MYO1D: variants seen among roughly 807,000 people sequenced by gnomAD.
The protein encoded by MYO1D is myosin ID.
In MYO1D, 83 loss-of-function variants were observed where a neutral mutation model predicts 122.0. That is an observed-to-expected ratio of 0.68 (90% CI 0.57 to 0.82). MYO1D has a LOEUF of 0.82. Ranked by LOEUF, MYO1D falls within the 40% of genes least tolerant of loss-of-function variation. MYO1D has a pLI of 0.00. For synonymous variants in MYO1D, 464 were observed against 446.9 expected, an observed-to-expected ratio of 1.04 and a Z score of -0.48; for missense variants, 1,157 against 1,269.5, an observed-to-expected ratio of 0.91 and a Z score of 1.35.
intron 16 of MYO1D, among the ~76,000 whole-genome samples, chr17:32,699,167 G>T (rs2089213841): frequency 2.6e-5 from 4 of 151,966 alleles, no homozygotes; most frequent in Admixed American, 6.6e-5. Context: ...GTTTCACCAT[G>T]TTGGCCAGGC....
intron 11 of MYO1D, among the ~76,000 whole-genome samples, chr17:32,751,254 C>T (rs17183295): frequency 0.14 from 21,914 of 152,140 alleles, 2,025 homozygotes; most frequent in Middle Eastern, 0.28. Context: ...TCTAATTTAA[C>T]ATGCCAATAA....
At chr17:32,616,581 A>C (rs1252639012) in intron 20 of MYO1D, among the ~76,000 whole-genome samples, 1 of 150,134 alleles carries the variant, frequency 6.7e-6, no homozygotes. Flanking sequence ...TGGCGTCCTT[A>C]AAGTGTTGGG....
At chr17:32,689,805 G>GCCTC (rs2089070523) in intron 16 of MYO1D, among the ~76,000 whole-genome samples, 1 of 151,640 alleles carries the variant, frequency 6.6e-6, no homozygotes, top group Admixed American at 6.6e-5. Flanking sequence ...TGCAACCTCT[G>GCCTC]CCTCCTGGGT....
intron 21 of MYO1D, among the ~76,000 whole-genome samples, 197 bp from the exon 22 acceptor site, chr17:32,495,112 C>G (rs1003733478): frequency 6.6e-6 from 1 of 152,224 alleles, no homozygotes; most frequent in Non-Finnish European, 1.5e-5. Flanking sequence ...ACAGCCTCGG[C>G]ACCATGGCAG....
At chr17:32,801,483 T>A (rs957551786) in intron 1 of MYO1D, among the ~76,000 whole-genome samples, 4 of 152,132 alleles carry the variant, frequency 2.6e-5, no homozygotes, top group Non-Finnish European at 5.9e-5. Flanking sequence ...GTGGCCTGCA[T>A]GGCAGGGGGA....
chr17:32,515,616 G>A (rs975018821), intron 21 of MYO1D, among the ~76,000 whole-genome samples: 2 of 152,150 alleles, frequency 1.3e-5, no homozygotes, highest in African/African-American at 4.8e-5. Context: ...TAAGGACAAA[G>A]GATAATGCTT....
intron 19 of MYO1D, among the ~76,000 whole-genome samples, chr17:32,642,293 T>G (rs1436558801): frequency 6.6e-6 from 1 of 152,238 alleles, no homozygotes; most frequent in Non-Finnish European, 1.5e-5. Flanking sequence ...GGTCTATATC[T>G]CTGTTTTGGT....
At chr17:32,675,522 CAG>C (rs2088795045) in intron 16 of MYO1D, among the ~76,000 whole-genome samples, 1 of 152,046 alleles carries the variant, frequency 6.6e-6, no homozygotes, top group Non-Finnish European at 1.5e-5. Flanking sequence ...ACAATCAAGT[CAG>C]AACACATTTT....
intron 16 of MYO1D, among the ~76,000 whole-genome samples, chr17:32,693,676 G>C (rs909551162): frequency 2.0e-5 from 3 of 152,194 alleles, no homozygotes; most frequent in Admixed American, 6.5e-5. Flanking sequence ...CAACGGATTT[G>C]CTGCTCTTTC....
chr17:32,494,780 G>T lies in MYO1D; in HGVS notation c.3000C>A (p.Ile1000=), dbSNP rs1331949465. 2 of 1,609,488 alleles carry T rather than the reference G, an allele frequency of 1.2e-6. No homozygotes were observed. Among genetic ancestry groups the T allele is most frequent in the Non-Finnish European group, 1.7e-6 (2 of 1,178,120 alleles). Residue 1000 remains isoleucine, a synonymous_variant, in exon 22 of 22, where the codon ATC becomes ATA. Transcript: ENST00000318217. ...GGCGTCAGTTCCCGGGCACGCTGAG[G>T]ATGAAGCCCGAGCGATTCTTGGTGA... ...PDFTKNRSGF[I]LSVPGN
chr17:32,629,173 C>A (rs183702090), intron 20 of MYO1D, among the ~76,000 whole-genome samples: 1 of 152,156 alleles, frequency 6.6e-6, no homozygotes, highest in East Asian at 1.9e-4. Context: ...AGAAAAGGCA[C>A]AACTGTAGAG....
At position 32,639,558 on chromosome 17, in the gene MYO1D, G is replaced by A. The variant is rs150903213; in HGVS notation, c.2596-723C>T. Among the ~76,000 whole-genome samples, 203 of 152,086 alleles carry A rather than the reference G, an allele frequency of 1.3e-3. 1 individual carries two copies. Among genetic ancestry groups the A allele is most frequent in the African/African-American group, 4.7e-3 (193 of 41,488 alleles). ...AAACACATATGTATTTTAAAAAGATGAGGGTCTCACTCTGTCACCCAAGAT... is the reference window on the plus strand; with the variant it reads ...AAACACATATGTATTTTAAAAAGATAAGGGTCTCACTCTGTCACCCAAGAT... On this transcript the variant is annotated intron_variant, in intron 19 of 21. Coordinates refer to ENST00000318217, the MANE Select transcript of MYO1D (RefSeq NM_015194.3).
intron 12 of MYO1D, among the ~76,000 whole-genome samples, chr17:32,746,961 C>CG (rs2049265796): frequency 6.6e-6 from 1 of 152,124 alleles, no homozygotes; most frequent in African/African-American, 2.4e-5. Flanking sequence ...TCTGCATTTG[C>CG]GTCATTCTGA....
chr17:32,513,508 A>G (rs528007440), intron 21 of MYO1D, among the ~76,000 whole-genome samples: 10 of 152,340 alleles, frequency 6.6e-5, no homozygotes, highest in African/African-American at 2.4e-4. Context: ...GGGTTTCACT[A>G]TATACCATGT....
chr17:32,859,156 C>T (rs956490419), intron 1 of MYO1D, among the ~76,000 whole-genome samples: 4 of 152,166 alleles, frequency 2.6e-5, no homozygotes, highest in South Asian at 2.1e-4. Context: ...TAGGTGCATA[C>T]GCATTCACAT....
intron 20 of MYO1D, among the ~76,000 whole-genome samples, chr17:32,623,632 G>A (rs1456573070): frequency 3.3e-5 from 5 of 152,072 alleles, no homozygotes; most frequent in African/African-American, 9.7e-5. Flanking sequence ...ATACAGATAC[G>A]CGATCATGAG....
At chr17:32,531,741 A>C (rs1159721861) in intron 21 of MYO1D, among the ~76,000 whole-genome samples, 2 of 152,242 alleles carry the variant, frequency 1.3e-5, no homozygotes, top group African/African-American at 4.8e-5. Flanking sequence ...GCATTCAGTG[A>C]AGGCTTGGCT....
intron 21 of MYO1D, among the ~76,000 whole-genome samples, chr17:32,570,041 A>G (rs1247347092): frequency 6.6e-6 from 1 of 152,214 alleles, no homozygotes; most frequent in Non-Finnish European, 1.5e-5. Flanking sequence ...TGTGGAATAT[A>G]TTCCTCTGCT....
At chr17:32,807,696 C>T (rs919075265) in intron 1 of MYO1D, among the ~76,000 whole-genome samples, 16 of 152,166 alleles carry the variant, frequency 1.1e-4, no homozygotes, top group Non-Finnish European at 2.4e-4. Flanking sequence ...TGAGGAACCT[C>T]TGTGTTTGAG....
Sources: allele counts gnomAD v4.1 joint callset (sites outside exome capture counted in the v4.1 genomes callset), GRCh38; gene constraint gnomAD v4.1.1; transcripts MANE v1.5; gene names NCBI Gene and HGNC (gene_info 2026-07-23, HGNC 2026-07-21).